The following ADAM22 variants were observed in gnomAD, a reference collection of about 807,000 sequenced individuals.
ADAM22 encodes the protein disintegrin and metalloproteinase domain-containing protein 22.
A neutral mutation model predicts 144.6 loss-of-function variants in ADAM22; 65 were observed. The ratio of observed to expected loss-of-function variants is 0.45; its 90% CI spans 0.37 to 0.55. The LOEUF (loss-of-function observed/expected upper bound fraction) is 0.55, where lower values mean the gene tolerates loss of function less well. Ranked by LOEUF, ADAM22 falls within the 20% of genes least tolerant of loss-of-function variation. The pLI, the probability that ADAM22 is intolerant of heterozygous loss-of-function variation, is 0.00. For synonymous variants in ADAM22, 391 were observed against 412.6 expected (o/e 0.95, Z 0.63); for missense variants, 974 against 1,184.9 (o/e 0.82, Z 2.61).
At chr7:87,998,580 C>A (rs1053645511) in intron 3 of ADAM22, among the ~76,000 whole-genome samples, 1 of 151,920 alleles carries the variant, frequency 6.6e-6, no homozygotes, top group Non-Finnish European at 1.5e-5. Context: ...TAGTAGAGGC[C>A]GGGTTTCACT....
intron 3 of ADAM22, among the ~76,000 whole-genome samples, chr7:88,001,286 A>G (rs1237566657): frequency 2.0e-5 from 3 of 152,246 alleles, no homozygotes; most frequent in Non-Finnish European, 4.4e-5. Context: ...AAATTCATTT[A>G]TATGTACCTT....
At chr7:87,953,652 T>G (rs1290227845) in intron 2 of ADAM22, among the ~76,000 whole-genome samples, 9 of 152,156 alleles carry the variant, frequency 5.9e-5, no homozygotes, top group Non-Finnish European at 1.0e-4. Context: ...TAGCTGTCTA[T>G]TAGGTCCGCT....
intron 3 of ADAM22, among the ~76,000 whole-genome samples, chr7:88,069,619 A>G (rs2129478393): frequency 6.6e-6 from 1 of 152,300 alleles, no homozygotes; most frequent in Non-Finnish European, 1.5e-5. Context: ...GAATTCCTCC[A>G]GAGACCCCTG....
intron 30 of ADAM22, among the ~76,000 whole-genome samples, chr7:88,188,969 C>T (rs1334447887): frequency 2.0e-5 from 3 of 152,240 alleles, no homozygotes; most frequent in Non-Finnish European, 2.9e-5. Context: ...GCTGGGATTA[C>T]ACCCCTGTGG....
chr7:88,169,402 T>A (rs1057108026), intron 25 of ADAM22, among the ~76,000 whole-genome samples: 16 of 152,104 alleles, frequency 1.1e-4, no homozygotes, highest in Non-Finnish European at 1.3e-4. Flanking sequence ...CTGTACCATG[T>A]AGTCTTCCAC....
At chr7:87,935,696 A>G (rs1841083875) in intron 2 of ADAM22, among the ~76,000 whole-genome samples, 1 of 152,234 alleles carries the variant, frequency 6.6e-6, no homozygotes, top group Admixed American at 6.5e-5. Flanking sequence ...ATTTGTGGAC[A>G]CCAGAGATAT....
chr7:88,169,803 T>C (rs150067887), intron 25 of ADAM22, among the ~76,000 whole-genome samples: 15 of 152,264 alleles, frequency 9.9e-5, no homozygotes, highest in African/African-American at 2.2e-4. Context: ...ATGATTTAAG[T>C]AGTAATTGTC....
intron 29 of ADAM22, chr7:88,184,352 C>T (rs1847808932): frequency 2.3e-6 from 1 of 442,038 alleles, no homozygotes; most frequent in African/African-American, 2.0e-5. Context: ...CATCCCAAGG[C>T]ATAAGCCCAG....
intron 2 of ADAM22, among the ~76,000 whole-genome samples, chr7:87,939,560 C>T (rs1435928963): frequency 6.6e-6 from 1 of 152,126 alleles, no homozygotes; most frequent in East Asian, 1.9e-4. Context: ...TTCACATAAT[C>T]TTTAAGAATC....
chr7:88,151,485 C>T (rs773604918), intron 20 of ADAM22, among the ~76,000 whole-genome samples, 165 bp downstream of exon 20: 6 of 152,286 alleles, frequency 3.9e-5, no homozygotes, highest in Admixed American at 3.9e-4. Context: ...GAGTAAGGCA[C>T]CCCTTTGAGA....
intron 3 of ADAM22, among the ~76,000 whole-genome samples, chr7:88,052,699 A>G (rs1469027044): frequency 6.6e-6 from 1 of 152,134 alleles, no homozygotes; most frequent in Non-Finnish European, 1.5e-5. Flanking sequence ...TGTTCCTTCC[A>G]CACACCCATG....
intron 15 of ADAM22, among the ~76,000 whole-genome samples, chr7:88,143,834 G>A (rs1468321170): frequency 6.6e-6 from 1 of 152,222 alleles, no homozygotes; most frequent in Non-Finnish European, 1.5e-5. Context: ...GTTCACTACA[G>A]TGTAATTTAG....
intron 3 of ADAM22, among the ~76,000 whole-genome samples, chr7:87,992,846 C>T (rs140989086): frequency 4.0e-4 from 61 of 152,202 alleles, no homozygotes; most frequent in African/African-American, 1.3e-3. Flanking sequence ...AAAAAGACCA[C>T]CTCTTCCTCT....
At chr7:88,075,433 G>A (rs1230903366) in intron 3 of ADAM22, among the ~76,000 whole-genome samples, 193 bp from the exon 4 acceptor site, 2 of 151,698 alleles carry the variant, frequency 1.3e-5, no homozygotes, top group Non-Finnish European at 2.9e-5. Context: ...TCAACCTCAT[G>A]TCCTTTTAGA....
At chr7:88,052,974 T>C (rs1226857772) in intron 3 of ADAM22, among the ~76,000 whole-genome samples, 2 of 152,244 alleles carry the variant, frequency 1.3e-5, no homozygotes, top group Non-Finnish European at 2.9e-5. Context: ...TAAATGTATT[T>C]ATTTTTTTGA....
rs936023800 is a variant in ADAM22, at chr7:88,198,978, T to A, written c.*2487T>A. The A allele has an allele frequency of 9.2e-5, 14 of 152,236 alleles. No individual in the cohort carries two copies. The highest frequency in any genetic ancestry group is 7.2e-4 in the Admixed American group (11 of 15,284). The allele number at this position is 152,236 out of a possible 1,614,324, so 9.4% of individuals were successfully genotyped here. A position where few individuals can be genotyped will look rare whatever the true frequency, so the allele number is the denominator to read the frequency against. On this transcript the variant is annotated 3_prime_UTR_variant, in exon 32 of 32. Coordinates refer to ENST00000413139, the MANE Select transcript of ADAM22 (RefSeq NM_001324418.2). ...TTCTTGGAATCTACTCTATCTCCCATGTTTAAACATTCTTAGAGCCATTTG... is the reference window on the plus strand; with the variant it reads ...TTCTTGGAATCTACTCTATCTCCCAAGTTTAAACATTCTTAGAGCCATTTG...
intron 3 of ADAM22, among the ~76,000 whole-genome samples, chr7:88,021,196 C>T (rs1797749508): frequency 6.6e-6 from 1 of 152,174 alleles, no homozygotes; most frequent in Non-Finnish European, 1.5e-5. Context: ...AAGTGAATCA[C>T]AAGGAAATGG....
chr7:88,025,671 C>T lies in ADAM22; in HGVS notation c.323+47259C>T, dbSNP rs536858385. ...TTGGCACCTTTGTTGAAAATAAGTT[C>T]GTTGTAGATGTATGGATTTGTTTCT... On this transcript the variant is annotated intron_variant, in intron 3 of 31. Coordinates refer to ENST00000413139, the MANE Select transcript of ADAM22 (RefSeq NM_001324418.2). Among the ~76,000 whole-genome samples the T allele has an allele frequency of 5.3e-5, 8 of 152,154 alleles. No individual in the cohort carries two copies. The South Asian group carries it at 6.2e-4, about 12-fold the overall frequency.
chr7:88,016,035 G>T (rs1022771161), intron 3 of ADAM22, among the ~76,000 whole-genome samples: 1 of 151,774 alleles, frequency 6.6e-6, no homozygotes, highest in African/African-American at 2.4e-5. Context: ...ATTTCTCAAG[G>T]TATATTTTCT....
Sources: gnomAD v4.1 joint callset for allele counts (sites outside exome capture counted in the v4.1 genomes callset) on GRCh38, gnomAD v4.1.1 for gene constraint, MANE v1.5 for transcripts, NCBI Gene and HGNC (gene_info 2026-07-23, HGNC 2026-07-21) for gene names.